STAG1: variants seen among roughly 807,000 people sequenced by gnomAD.
STAG1 encodes cohesin subunit SA-1.
In STAG1, 26 loss-of-function variants were observed where a neutral mutation model predicts 170.9. That is an observed-to-expected ratio of 0.15 (90% CI 0.11 to 0.21). The LOEUF (loss-of-function observed/expected upper bound fraction) is 0.21, where lower values mean the gene tolerates loss of function less well. Among genes scored for constraint, STAG1 ranks in the 10% least tolerant of loss-of-function variants. The pLI is 1.00. For missense variants in STAG1, 964 were observed against 1,509.5 expected (o/e 0.64, Z 5.99); for synonymous variants, 514 against 497.7 (o/e 1.03, Z -0.44).
chr3:136,472,340 T>C, intron 12 of STAG1, 73 bp downstream of exon 12: 2 of 1,034,372 alleles, frequency 1.9e-6, no homozygotes, highest in East Asian at 2.5e-5. Flanking sequence ...TATATATAGA[T>C]AGGACATTAA....
intron 1 of STAG1, among the ~76,000 whole-genome samples, chr3:136,665,360 T>C (rs1280046836): frequency 2.6e-5 from 4 of 152,184 alleles, no homozygotes; most frequent in South Asian, 2.1e-4. Context: ...AGGCCCTTTA[T>C]GATTTTTGTC....
chr3:136,374,612 C>T (rs927934630), intron 23 of STAG1, among the ~76,000 whole-genome samples: 4 of 149,446 alleles, frequency 2.7e-5, no homozygotes, highest in East Asian at 2.0e-4. Context: ...AGCAAAACTC[C>T]GTCTCAAAAA....
chr3:136,369,356 T>C (rs1170928656), intron 23 of STAG1, 74 bp from the exon 24 acceptor site: 5 of 1,269,330 alleles, frequency 3.9e-6, no homozygotes, highest in Non-Finnish European at 4.3e-6. Flanking sequence ...TGAAAATGTA[T>C]GAAATTAAAA....
At chr3:136,361,919 ATTAT>A (rs1366336309) in intron 26 of STAG1, among the ~76,000 whole-genome samples, 1 of 149,616 alleles carries the variant, frequency 6.7e-6, no homozygotes, top group Non-Finnish European at 1.5e-5. Context: ...GCTTTCATTA[ATTAT>A]TAATTACTTA....
chr3:136,341,582 G>A lies in STAG1; in HGVS notation c.3447-31C>T, dbSNP rs1196439900. The stretch of plus-strand genomic sequence containing the variant: ...AGAGGGTACTATTATTAATTTTGTA[G>A]CAGCAGATGATGAATTTAGCTAATG... On this transcript the variant is annotated intron_variant, in intron 30 of 33. Transcript: ENST00000383202. 7 of 1,450,366 alleles carry A rather than the reference G, an allele frequency of 4.8e-6. No homozygotes were observed. In the East Asian group the frequency reaches 1.6e-4, roughly 33 times the overall value. 89.8% of individuals were successfully genotyped at this position (1,450,366 alleles called of 1,614,324 possible). A position where few individuals can be genotyped will look rare whatever the true frequency, so the allele number is the denominator to read the frequency against.
In STAG1 at chr3:136,604,443, C is replaced by G. The variant is rs1266146660; in HGVS notation, c.163G>C (p.Gly55Arg). The G allele has an allele frequency of 6.2e-7, 1 of 1,603,436 alleles. No individual in the cohort carries two copies. The change falls in exon 4 of 34, where the codon GGT (glycine) becomes CGT (arginine). Residue 55 changes from glycine (G) to arginine (R), a missense_variant. Around this residue, in one of 11 missense-constraint regions of STAG1, gnomAD observed 108 missense variants for 120.2 expected, o/e 0.90. Transcript: ENST00000383202. ...STNKKPRKSP[G>R]EKSRIEAGIR... ...CCAGCTTCAATTCTGCTCTTCTCACCTGGAGATTTTCGAGGTTTCTTATTT... is the reference window on the plus strand; with the variant it reads ...CCAGCTTCAATTCTGCTCTTCTCACGTGGAGATTTTCGAGGTTTCTTATTT...
At chr3:136,470,466 C>T (rs903934910) in intron 12 of STAG1, among the ~76,000 whole-genome samples, 96 of 152,216 alleles carry the variant, frequency 6.3e-4, no homozygotes, top group African/African-American at 2.3e-3. Context: ...CAATGGCGAT[C>T]ATTAAAAAGT....
intron 14 of STAG1, among the ~76,000 whole-genome samples, chr3:136,450,215 A>G (rs761802770): frequency 2.0e-5 from 3 of 152,184 alleles, no homozygotes; most frequent in Non-Finnish European, 4.4e-5. Context: ...AATGCTTCAA[A>G]TCATTAGTAT....
At chr3:136,643,410 A>G (rs552522992) in intron 1 of STAG1, among the ~76,000 whole-genome samples, 1 of 152,322 alleles carries the variant, frequency 6.6e-6, no homozygotes, top group South Asian at 2.1e-4. Flanking sequence ...AATTACTTCA[A>G]AAGGATGGTC....
chr3:136,478,028 G>A (rs2089801092), intron 9 of STAG1, among the ~76,000 whole-genome samples: 1 of 152,062 alleles, frequency 6.6e-6, no homozygotes, highest in Admixed American at 6.6e-5. Context: ...GACCTCAAGT[G>A]ATCCACCCAC....
At chr3:136,746,912 C>T (rs1185409537) in intron 1 of STAG1, among the ~76,000 whole-genome samples, 1 of 151,926 alleles carries the variant, frequency 6.6e-6, no homozygotes, top group African/African-American at 2.4e-5. Flanking sequence ...GCCTGACCAA[C>T]ATGGAAAAAC....
chr3:136,472,145 T>C (rs981567181), intron 12 of STAG1, among the ~76,000 whole-genome samples: 1 of 152,154 alleles, frequency 6.6e-6, no homozygotes, highest in Non-Finnish European at 1.5e-5. Context: ...CCTGCTTTGT[T>C]TTAAACAGAA....
At chr3:136,496,984 T>C (rs1469418432) in intron 9 of STAG1, among the ~76,000 whole-genome samples, 1 of 152,078 alleles carries the variant, frequency 6.6e-6, no homozygotes, top group African/African-American at 2.4e-5. Flanking sequence ...TGATAGTTTT[T>C]TAATACAACT....
intron 1 of STAG1, among the ~76,000 whole-genome samples, chr3:136,679,687 C>T (rs942904039): frequency 4.7e-5 from 7 of 147,764 alleles, no homozygotes; most frequent in Non-Finnish European, 7.4e-5. Context: ...CGAGATAGTG[C>T]CACTGCAGTC....
intron 1 of STAG1, among the ~76,000 whole-genome samples, chr3:136,710,658 C>G (rs933886252): frequency 1.3e-5 from 2 of 152,004 alleles, no homozygotes; most frequent in Non-Finnish European, 2.9e-5. Flanking sequence ...AACTACCTAA[C>G]CCAAAATAAA....
At chr3:136,654,925 T>A (rs1167269489) in intron 1 of STAG1, among the ~76,000 whole-genome samples, 1 of 152,128 alleles carries the variant, frequency 6.6e-6, no homozygotes. Context: ...CACATAGTAA[T>A]GGAAAAACTG....
chr3:136,484,343 G>A (rs148296018), intron 9 of STAG1, among the ~76,000 whole-genome samples: 1 of 148,424 alleles, frequency 6.7e-6, no homozygotes, highest in African/African-American at 2.5e-5. Context: ...TGCCGTGTGA[G>A]GTGTCAGTGT....
At chr3:136,633,894 C>A (rs538307307) in intron 1 of STAG1, among the ~76,000 whole-genome samples, 457 of 138,612 alleles carry the variant, frequency 3.3e-3, no homozygotes, top group Admixed American at 5.2e-3. Context: ...GAGGCTGAGG[C>A]GGGCGAATCA....
At chr3:136,597,222 T>A (rs1315845642) in intron 4 of STAG1, among the ~76,000 whole-genome samples, 1 of 152,128 alleles carries the variant, frequency 6.6e-6, no homozygotes, top group African/African-American at 2.4e-5. Context: ...TTTATAAACA[T>A]GTAAAAAAAC....
Sources: allele counts gnomAD v4.1 joint callset (sites outside exome capture counted in the v4.1 genomes callset), GRCh38; gene constraint gnomAD v4.1.1; regional missense constraint gnomAD v4.1.1; transcripts MANE v1.5; gene names NCBI Gene and HGNC (gene_info 2026-07-23, HGNC 2026-07-21).